Variants in CTNNA3 observed in about 807,000 individuals in gnomAD.
CTNNA3 encodes the protein catenin alpha 3, also known as catenin alpha-3.
CTNNA3 carries 76 observed loss-of-function variants against 95.7 expected under a neutral mutation model. That is an observed-to-expected ratio of 0.79 (90% CI 0.66 to 0.96). CTNNA3 has a LOEUF of 0.96. Among genes scored for constraint, CTNNA3 ranks in the 40% least tolerant of loss-of-function variants. CTNNA3 has a pLI of 0.00. For synonymous variants in CTNNA3, 431 were observed against 374.4 expected (o/e 1.15, Z -1.74); for missense variants, 1,191 against 1,089.8 (o/e 1.09, Z -1.31).
intron 7 of CTNNA3, among the ~76,000 whole-genome samples, chr10:66,799,477 A>G (rs998525919): frequency 2.0e-5 from 3 of 151,632 alleles, no homozygotes; most frequent in Non-Finnish European, 3.0e-5. Context: ...AGAACTTATT[A>G]TTGGACAGAA....
chr10:66,077,165 T>C (rs866135217), intron 14 of CTNNA3, among the ~76,000 whole-genome samples: 1 of 151,774 alleles, frequency 6.6e-6, no homozygotes, highest in Non-Finnish European at 1.5e-5. Flanking sequence ...AGATATAAAA[T>C]GCTATGATGT....
At chr10:67,738,412 G>C (rs1841315102) in intron 1 of CTNNA3, among the ~76,000 whole-genome samples, 1 of 152,098 alleles carries the variant, frequency 6.6e-6, no homozygotes, top group South Asian at 2.1e-4. Context: ...TCAACAAAAA[G>C]GACATCCACA....
chr10:66,707,796 T>G lies in CTNNA3; in HGVS notation c.1281+58468A>C, dbSNP rs1477537618. Among the ~76,000 whole-genome samples the G allele has an allele frequency of 3.3e-5, 5 of 152,244 alleles. No homozygotes were observed. The East Asian group carries it at 9.7e-4, about 29-fold the overall frequency. On this transcript the variant is annotated intron_variant, in intron 9 of 17. Coordinates refer to ENST00000433211, the MANE Select transcript of CTNNA3 (RefSeq NM_013266.4). ...TGGTGTTAACTAACCAGGCAACTAC[T>G]ATGGATGTAAACAATAACTACAGAC...
intron 9 of CTNNA3, among the ~76,000 whole-genome samples, chr10:66,702,781 T>C (rs1159737021): frequency 2.0e-5 from 3 of 147,628 alleles, no homozygotes; most frequent in Non-Finnish European, 3.0e-5. Flanking sequence ...TCGTCGTCGT[T>C]GTCGTCGTCT....
chr10:66,519,264 T>G (rs1840970442), intron 11 of CTNNA3, among the ~76,000 whole-genome samples: 2 of 151,960 alleles, frequency 1.3e-5, no homozygotes, highest in Non-Finnish European at 2.9e-5. Context: ...ATCTTCACAA[T>G]CCTGTGGGAT....
At chr10:67,016,168 T>A (rs115752517) in intron 7 of CTNNA3, among the ~76,000 whole-genome samples, 1 of 152,316 alleles carries the variant, frequency 6.6e-6, no homozygotes, top group East Asian at 1.9e-4. Flanking sequence ...ATGCATGAGT[T>A]TATCCACTGT....
At chr10:66,212,337 T>C (rs1167843270) in intron 13 of CTNNA3, among the ~76,000 whole-genome samples, 1 of 152,170 alleles carries the variant, frequency 6.6e-6, no homozygotes, top group African/African-American at 2.4e-5. Context: ...CTTATAGTAA[T>C]CTGTTATACA....
chr10:67,085,252 G>A (rs757849093), intron 7 of CTNNA3, among the ~76,000 whole-genome samples: 2 of 151,804 alleles, frequency 1.3e-5, no homozygotes, highest in Non-Finnish European at 2.9e-5. Context: ...ACATATATAT[G>A]TGGCTGATCA....
intron 7 of CTNNA3, among the ~76,000 whole-genome samples, chr10:66,958,122 T>C (rs1156977703): frequency 6.6e-6 from 1 of 152,118 alleles, no homozygotes; most frequent in Non-Finnish European, 1.5e-5. Flanking sequence ...ATTAAGAATC[T>C]GAGCCAGATA....
chr10:67,149,158 T>C (rs1049132234), intron 7 of CTNNA3, among the ~76,000 whole-genome samples: 1 of 152,208 alleles, frequency 6.6e-6, no homozygotes, highest in Non-Finnish European at 1.5e-5. Context: ...TCATGATGCT[T>C]ACTTATTTTA....
chr10:66,212,583 GA>G (rs1310521079), intron 13 of CTNNA3, among the ~76,000 whole-genome samples: 3 of 152,050 alleles, frequency 2.0e-5, no homozygotes, highest in Non-Finnish European at 4.4e-5. Flanking sequence ...CAAAGTAATT[GA>G]GGGCAAATGC....
chr10:66,235,010 A>T (rs950353568), intron 13 of CTNNA3, among the ~76,000 whole-genome samples: 5 of 152,226 alleles, frequency 3.3e-5, no homozygotes, highest in African/African-American at 9.6e-5. Flanking sequence ...TAACAGCCTG[A>T]GAAGAACTGA....
chr10:66,361,882 C>A (rs2092678899), intron 12 of CTNNA3, among the ~76,000 whole-genome samples: 1 of 151,818 alleles, frequency 6.6e-6, no homozygotes, highest in Admixed American at 6.6e-5. Context: ...CATCATTAAC[C>A]TTTATCATCC....
intron 9 of CTNNA3, among the ~76,000 whole-genome samples, chr10:66,689,192 G>C (rs1342174323): frequency 6.6e-6 from 1 of 152,020 alleles, no homozygotes; most frequent in Non-Finnish European, 1.5e-5. Flanking sequence ...GGGCAGAGGG[G>C]GAATGAAGGT....
intron 16 of CTNNA3, among the ~76,000 whole-genome samples, chr10:65,974,013 T>C (rs1177360512): frequency 6.6e-6 from 1 of 152,016 alleles, no homozygotes; most frequent in African/African-American, 2.4e-5. Context: ...TGAATAATCA[T>C]AGAAATGCAA....
At chr10:67,757,330 G>A (rs1437520285) in intron 1 of CTNNA3, among the ~76,000 whole-genome samples, 2 of 152,130 alleles carry the variant, frequency 1.3e-5, no homozygotes, top group African/African-American at 4.8e-5. Flanking sequence ...AACTCGACTG[G>A]GCTAACGGAT....
chr10:65,991,890 A>G (rs1283883495), intron 15 of CTNNA3, among the ~76,000 whole-genome samples: 1 of 151,994 alleles, frequency 6.6e-6, no homozygotes, highest in Non-Finnish European at 1.5e-5. Flanking sequence ...TGAGTTTGTA[A>G]TATGTGGCCT....
At chr10:66,813,104 A>C (rs1841945003) in intron 7 of CTNNA3, among the ~76,000 whole-genome samples, 1 of 152,178 alleles carries the variant, frequency 6.6e-6, no homozygotes, top group African/African-American at 2.4e-5. Flanking sequence ...CTTAATGAGA[A>C]GGGGAAAGGA....
rs147433566 is a variant in CTNNA3 at position 66,598,895 on chromosome 10, C to T, written c.1374+22797G>A. On this transcript the variant is annotated intron_variant, in intron 10 of 17. Transcript: ENST00000433211. ...CATTTTTTACAGAAAGAGAAAAAAA[C>T]TGTAAGTCATATGGAACCACAAAAT... 3.4e-4 allele frequency among the ~76,000 whole-genome samples: 52 copies of T among 151,922 alleles called. 1 individual carries two copies. In the East Asian group the frequency reaches 8.7e-3, roughly 25 times the overall value.
Sources: allele counts gnomAD v4.1 joint callset (sites outside exome capture counted in the v4.1 genomes callset), GRCh38; gene constraint gnomAD v4.1.1; transcripts MANE v1.5; gene names NCBI Gene and HGNC (gene_info 2026-07-23, HGNC 2026-07-21).